The following SLC7A4 variants were observed in gnomAD, a reference collection of about 807,000 sequenced individuals.
SLC7A4 encodes the protein solute carrier family 7 member 4, also known as cationic amino acid transporter 4.
A neutral mutation model predicts 37.8 loss-of-function variants in SLC7A4; 30 were observed. That is an observed-to-expected ratio of 0.79 (90% CI 0.59 to 1.08). The LOEUF (loss-of-function observed/expected upper bound fraction) is 1.08, where lower values mean the gene tolerates loss of function less well. SLC7A4 is among the 50% of genes least tolerant of loss of function. The pLI, the probability that SLC7A4 is intolerant of heterozygous loss-of-function variation, is 0.00. For missense variants in SLC7A4, 839 were observed against 843.2 expected, an observed-to-expected ratio of 1.00 and a Z score of 0.06; for synonymous variants, 359 against 376.5, an observed-to-expected ratio of 0.95 and a Z score of 0.54.
At chr22:21,030,459 T>TTC in intron 2 of SLC7A4, 108 bp from the exon 3 acceptor site, 3 of 1,141,736 alleles carry the variant, frequency 2.6e-6, no homozygotes, top group Non-Finnish European at 3.7e-6. Context: ...CATGAGCTTG[T>TTC]CTGGGCTCTC....
Position 21,030,077 on chromosome 22 carries a change from C to A in SLC7A4, c.1257G>T (p.Pro419=). ...IIVLRFQKSS[P]PSSPGPASPG... is the part of the protein sequence containing the mutation. ...GGCTGGCTGGGCCTGGGGAGCTGGG[C>A]GGGGAAGACTTCTGGAAGCGCAGCA... is the stretch of plus-strand genomic sequence containing the variant. Residue 419 remains proline (P), a synonymous_variant, in exon 3 of 5, where the codon CCG becomes CCT. Transcript: ENST00000382932. 1 of 1,611,660 alleles carries A rather than the reference C, an allele frequency of 6.2e-7. No homozygotes were observed.
rs368299218 is a variant in SLC7A4 at position 21,030,199 on chromosome 22, C to A, written c.1135G>T (p.Ala379Ser). ...AGGTCCAGCAGCAGTGCCAGGAAGG[C>A]CGTGAGGAGCCCGAACGCCAGGGTG... Reference protein sequence around the residue: ...AGTLAFGLLTAFLALLLDLES... With the variant: ...AGTLAFGLLTSFLALLLDLES... The change falls in exon 3 of 5, where the codon GCC becomes TCC. Residue 379 changes from alanine (A) to serine (S), a missense_variant. Physicochemically the swap from Ala to Ser is moderately conservative, Grantham distance 99. Coordinates refer to ENST00000382932, the MANE Select transcript of SLC7A4 (RefSeq NM_004173.3). 1 of 1,613,762 alleles carries A rather than the reference C, an allele frequency of 6.2e-7. No individual in the cohort carries two copies. Among genetic ancestry groups the A allele is most frequent in the Non-Finnish European group, 8.5e-7 (1 of 1,180,004 alleles).
Position 21,030,286 on chromosome 22 carries a change from C to T in SLC7A4, c.1048G>A (p.Asp350Asn), listed in dbSNP as rs746953265. The change falls in exon 3 of 5, where the codon GAT becomes AAT. Residue 350 changes from aspartate (D) to asparagine (N), a missense_variant. Asp to Asn is a conservative substitution (Grantham distance 23). Transcript: ENST00000382932. ...LPRIVYAMAADGLFFQVFAHV... is the reference protein window; with the variant it reads ...LPRIVYAMAANGLFFQVFAHV... Reference sequence around the variant, plus strand: ...GCAAACACCTGGAAGAAGAGCCCATCGGCGGCCATGGCATAGACAATGCGT... The same window carrying T: ...GCAAACACCTGGAAGAAGAGCCCATTGGCGGCCATGGCATAGACAATGCGT... 1.5e-5 allele frequency: 24 copies of T among 1,613,468 alleles called. No individual in the cohort carries two copies. Among genetic ancestry groups the T allele is most frequent in the African/African-American group, 6.7e-5 (5 of 74,850 alleles).
rs754571960 is a variant in SLC7A4, at chr22:21,030,075, G to A, written c.1259C>T (p.Pro420Leu). 6.2e-7 allele frequency: 1 copy of A among 1,612,222 alleles called. No homozygotes were observed. Among genetic ancestry groups the A allele is most frequent in the African/African-American group, 1.3e-5 (1 of 75,018 alleles). Residue 420 changes from proline to leucine, a missense_variant, in exon 3 of 5, where the codon CCC becomes CTC. Physicochemically the swap from Pro to Leu is moderately conservative, Grantham distance 98. Coordinates refer to ENST00000382932, the MANE Select transcript of SLC7A4 (RefSeq NM_004173.3). ...IVLRFQKSSPPSSPGPASPGP... is the reference protein window; with the variant it reads ...IVLRFQKSSPLSSPGPASPGP... The stretch of plus-strand genomic sequence containing the variant: ...AGGGCTGGCTGGGCCTGGGGAGCTG[G>A]GCGGGGAAGACTTCTGGAAGCGCAG...
chr22:21,029,291 C>T, intron 4 of SLC7A4, 45 bp downstream of exon 4: 1 of 1,612,366 alleles, frequency 6.2e-7, no homozygotes, highest in Non-Finnish European at 8.5e-7. Context: ...TTCCTGTCCT[C>T]TTTGCCCTCC....
intron 2 of SLC7A4, 145 bp downstream of exon 2, chr22:21,030,686 G>C: frequency 9.7e-7 from 1 of 1,026,112 alleles, no homozygotes; most frequent in South Asian, 1.8e-5. Flanking sequence ...TTTTTGAAGT[G>C]AAGAGTTTCT....
rs149158975 is a variant in SLC7A4 at position 21,030,902 on chromosome 22, G to A, written c.911C>T (p.Ala304Val). The change falls in exon 2 of 5, where the codon GCG becomes GTG. Residue 304 changes from alanine to valine, a missense_variant. By Grantham distance (64) the Ala-to-Val change is moderately conservative (BLOSUM62 0). Transcript: ENST00000382932. ...CCGCTGGTAGAAGGCATCTGCAAGC[G>A]CTGAGTCGGGGTCCAGGCTGTGCCA... Reference protein sequence around the residue: ...VPWHSLDPDSALADAFYQRGY... With the variant: ...VPWHSLDPDSVLADAFYQRGY... The A allele has an allele frequency of 1.9e-5, 31 of 1,613,524 alleles. No homozygotes were observed. Among genetic ancestry groups the A allele is most frequent in the South Asian group, 5.5e-5 (5 of 91,002 alleles).
At position 21,031,471 on chromosome 22, in the gene SLC7A4, C is replaced by T; in HGVS notation, c.342G>A (p.Trp114Ter). The T allele has an allele frequency of 6.2e-7, 1 of 1,605,108 alleles. No homozygotes were observed. The highest frequency in any genetic ancestry group is 8.5e-7 in the Non-Finnish European group (1 of 1,175,986). ...LFTYVSMGEL[W>*]AFLIGWNVLL... ...GAACATTCCAGCCGATGAGGAAGGC[C>T]CACAGCTCGCCCATGGATACGTAGG... The change falls in exon 2 of 5, where the codon TGG becomes TGA. Residue 114 changes from tryptophan to a stop codon, truncating the protein, a stop_gained. Coordinates refer to ENST00000382932, the MANE Select transcript of SLC7A4 (RefSeq NM_004173.3). LOFTEE classifies it high-confidence loss of function.
chr22:21,031,033 C>T lies in SLC7A4; in HGVS notation c.780G>A (p.Glu260=). Residue 260 remains glutamate, a synonymous_variant, in exon 2 of 5, where the codon GAG becomes GAA. Coordinates refer to ENST00000382932, the MANE Select transcript of SLC7A4 (RefSeq NM_004173.3). The part of the protein sequence containing the change: ...GFDVIAASSE[E]AQNPRRSVPL... ...GCACAGACCGCCGTGGGTTCTGGGC[C>T]TCCTCACTGGAGGCGGCAATGACGT... The T allele has an allele frequency of 6.2e-7, 1 of 1,614,118 alleles. No individual in the cohort carries two copies. Among genetic ancestry groups the T allele is most frequent in the Non-Finnish European group, 8.5e-7 (1 of 1,180,012 alleles).
intron 2 of SLC7A4, 48 bp from the exon 3 acceptor site, chr22:21,030,399 A>C: frequency 1.9e-6 from 3 of 1,548,966 alleles, no homozygotes; most frequent in Non-Finnish European, 1.7e-6. Context: ...GAAGCCCACC[A>C]GGGGCCTCTG....
At position 21,029,747 on chromosome 22, in the gene SLC7A4, C is replaced by A. The variant is rs1387055634; in HGVS notation, c.1587G>T (p.Gly529=). Residue 529 remains glycine, a synonymous_variant, in exon 3 of 5, where the codon GGG becomes GGT. Coordinates refer to ENST00000382932, the MANE Select transcript of SLC7A4 (RefSeq NM_004173.3). The stretch of plus-strand genomic sequence containing the variant: ...CTTCCCGATACTGTTGCTGGTGAGC[C>A]CCCAGGACAAGGAGGCTGAGCAGAA... ...VMFLLSLLVL[G]AHQQQYREDL... 1.9e-6 allele frequency: 3 copies of A among 1,612,962 alleles called. No individual in the cohort carries two copies. Among genetic ancestry groups the A allele is most frequent in the Non-Finnish European group, 8.5e-7 (1 of 1,179,918 alleles).
rs761932063 is a variant in SLC7A4 at position 21,031,056 on chromosome 22, C to T, written c.757G>A (p.Val253Ile). 15 of 1,614,126 alleles carry T rather than the reference C, an allele frequency of 9.3e-6. No homozygotes were observed. The South Asian group carries it at 1.5e-4, about 17-fold the overall frequency. ...GCCTCCTCACTGGAGGCGGCAATGA[C>T]GTCGAAGCCCACGAAAGCATAGAAG... ...SCFYAFVGFDVIAASSEEAQN... is the reference protein window; with the variant it reads ...SCFYAFVGFDIIAASSEEAQN... Residue 253 changes from valine to isoleucine, a missense_variant, in exon 2 of 5, where the codon GTC becomes ATC. Physicochemically the swap from Val to Ile is conservative, Grantham distance 29 (BLOSUM62 3). Coordinates refer to ENST00000382932, the MANE Select transcript of SLC7A4 (RefSeq NM_004173.3).
At chr22:21,031,970 C>T (rs941693662) in intron 1 of SLC7A4, 118 bp from the exon 2 acceptor site, 10 of 628,038 alleles carry the variant, frequency 1.6e-5, no homozygotes, top group African/African-American at 9.4e-5. Flanking sequence ...ACCTGGACAC[C>T]CTCACCAGGG....
chr22:21,029,670 G>A, intron 3 of SLC7A4, 41 bp downstream of exon 3: 1 of 1,578,582 alleles, frequency 6.3e-7, no homozygotes, highest in Non-Finnish European at 8.6e-7. Flanking sequence ...GGAGGCAGCT[G>A]CCTGGGCCGA....
At position 21,031,787 on chromosome 22, in the gene SLC7A4, G is replaced by A; in HGVS notation, c.26C>T (p.Ala9Val). The part of the protein sequence containing the change: MARGLPTI[A>V]SLARLCQKLN... ...CTTCTGGCATAAGCGTGCCAGGCTA[G>A]CAATGGTGGGCAGCCCCCGGGCCAT... Residue 9 changes from alanine (A) to valine (V), a missense_variant, in exon 2 of 5, where the codon GCT becomes GTT. Ala to Val is a moderately conservative substitution (Grantham distance 64). Transcript: ENST00000382932. 1 of 1,519,520 alleles carries A rather than the reference G, an allele frequency of 6.6e-7. No individual in the cohort carries two copies. The highest frequency in any genetic ancestry group is 8.8e-7 in the Non-Finnish European group (1 of 1,137,578). The allele number at this position is 1,519,520 out of a possible 1,614,324, so 94.1% of individuals were successfully genotyped here. A position where few individuals can be genotyped will look rare whatever the true frequency, so the allele number is the denominator to read the frequency against.
rs368923097 is a variant in SLC7A4 at position 21,031,250 on chromosome 22, G to A, written c.563C>T (p.Ala188Val). Residue 188 changes from alanine to valine, a missense_variant, in exon 2 of 5, where the codon GCC becomes GTC. By Grantham distance (64) the Ala-to-Val change is moderately conservative (BLOSUM62 0). Coordinates refer to ENST00000382932, the MANE Select transcript of SLC7A4 (RefSeq NM_004173.3). Reference sequence around the variant, plus strand: ...GTGATTGAGCCAGGAGGACACGCGGGCTCCACAGGAGACAAAGGCAGAGGC... The same window carrying A: ...GTGATTGAGCCAGGAGGACACGCGGACTCCACAGGAGACAAAGGCAGAGGC... ...LLASAFVSCGARVSSWLNHTF... is the reference protein window; with the variant it reads ...LLASAFVSCGVRVSSWLNHTF... The A allele has an allele frequency of 6.2e-7, 1 of 1,613,384 alleles. No homozygotes were observed. The highest frequency in any genetic ancestry group is 1.1e-5 in the South Asian group (1 of 91,018).
In SLC7A4 at chr22:21,031,165, C is replaced by T; in HGVS notation, c.648G>A (p.Leu216=). 8 of 1,613,692 alleles carry T rather than the reference C, an allele frequency of 5.0e-6. No individual in the cohort carries two copies. Among genetic ancestry groups the T allele is most frequent in the Non-Finnish European group, 6.8e-6 (8 of 1,179,820 alleles). Residue 216 remains leucine, a synonymous_variant, in exon 2 of 5, where the codon CTG becomes CTA. Coordinates refer to ENST00000382932, the MANE Select transcript of SLC7A4 (RefSeq NM_004173.3). ...CAGCGCTCCAGTTGTGAGGCTGGGC[C>T]AGGATGAAGCCCAGGATGACAATGA... is the stretch of plus-strand genomic sequence containing the variant. ...ILFIVILGFI[L]AQPHNWSADE... is the part of the protein sequence containing the mutation.
rs749492040 is a variant in SLC7A4, at chr22:21,030,255, A to G, written c.1079T>C (p.Val360Ala). 2 of 1,613,870 alleles carry G rather than the reference A, an allele frequency of 1.2e-6. No homozygotes were observed. Among genetic ancestry groups the G allele is most frequent in the South Asian group, 1.1e-5 (1 of 91,078 alleles). The change falls in exon 3 of 5, where the codon GTG becomes GCG. Residue 360 changes from valine (V) to alanine (A), a missense_variant. Physicochemically the swap from Val to Ala is moderately conservative, Grantham distance 64. Transcript: ENST00000382932. ...CACAGGCACCTGTGTCCGGGGGTGC[A>G]CATGGGCAAACACCTGGAAGAAGAG... ...DGLFFQVFAHVHPRTQVPVAG... is the reference protein window; with the variant it reads ...DGLFFQVFAHAHPRTQVPVAG...
rs751494433 is a variant in SLC7A4, at chr22:21,031,224, T to C, written c.589A>G (p.Thr197Ala). The C allele has an allele frequency of 9.3e-6, 15 of 1,613,194 alleles. No homozygotes were observed. The East Asian group carries it at 3.1e-4, about 34-fold the overall frequency. Reference protein sequence around the residue: ...GARVSSWLNHTFSAISLLVIL... With the variant: ...GARVSSWLNHAFSAISLLVIL... ...ACAAGCAGGCTGATGGCCGAGAAGG[T>C]GTGATTGAGCCAGGAGGACACGCGG... The change falls in exon 2 of 5, where the codon ACC becomes GCC. Residue 197 changes from threonine to alanine, a missense_variant. Transcript: ENST00000382932.
Sources: gnomAD v4.1 joint callset for allele counts on GRCh38, gnomAD v4.1.1 for gene constraint, MANE v1.5 for transcripts, NCBI Gene and HGNC (gene_info 2026-07-23, HGNC 2026-07-21) for gene names.